Variants in NSMCE2 observed in about 807,000 individuals in gnomAD.
NSMCE2 encodes the protein E3 SUMO-protein ligase NSE2.
In NSMCE2, 24 loss-of-function variants were observed where a neutral mutation model predicts 23.8. That is an observed-to-expected ratio of 1.01 (90% CI 0.73 to 1.42). The LOEUF is 1.42. Ranked by LOEUF, NSMCE2 falls within the 40% of genes most tolerant of loss-of-function variation. The probability of loss-of-function intolerance (pLI) is 0.00; values close to 1 mark genes in which losing one functional copy is unlikely to be tolerated. For missense variants in NSMCE2, 284 were observed against 296.5 expected (o/e 0.96, Z 0.31); for synonymous variants, 92 against 94.1 (o/e 0.98, Z 0.13).
chr8:125,200,569 G>C (rs1360618954), intron 5 of NSMCE2, among the ~76,000 whole-genome samples: 1 of 149,598 alleles, frequency 6.7e-6, no homozygotes, highest in Non-Finnish European at 1.5e-5. Flanking sequence ...GCTTCCCTTT[G>C]TGGGTAACCT....
chr8:125,215,357 C>A (rs1156296595), intron 5 of NSMCE2, among the ~76,000 whole-genome samples: 1 of 151,106 alleles, frequency 6.6e-6, no homozygotes, highest in Non-Finnish European at 1.5e-5. Flanking sequence ...CATGTCCCTA[C>A]AAAGGACATG....
intron 5 of NSMCE2, among the ~76,000 whole-genome samples, chr8:125,196,720 A>G (rs961369970): frequency 1.3e-5 from 2 of 152,206 alleles, no homozygotes; most frequent in South Asian, 4.1e-4. Context: ...TATACCCAGT[A>G]ATGGGATCGC....
At chr8:125,208,952 G>A (rs571882494) in intron 5 of NSMCE2, among the ~76,000 whole-genome samples, 5 of 152,290 alleles carry the variant, frequency 3.3e-5, no homozygotes, top group East Asian at 1.9e-4. Flanking sequence ...CTCCAATGGT[G>A]CCAAGGCTTA....
chr8:125,307,818 C>G lies in NSMCE2; in HGVS notation c.419-49401C>G, dbSNP rs140567305. 3.0e-3 allele frequency among the ~76,000 whole-genome samples: 454 copies of G among 152,322 alleles called. 7 individuals carry two copies. Among genetic ancestry groups the G allele is most frequent in the African/African-American group, 0.01 (434 of 41,560 alleles). On this transcript the variant is annotated intron_variant, in intron 5 of 7. Transcript: ENST00000287437. Reference sequence around the variant, plus strand: ...ATTGCTTAAGAGTTAAAAACGATTACTGTGGTCTCAGAGGACAGACACCAG... The same window carrying G: ...ATTGCTTAAGAGTTAAAAACGATTAGTGTGGTCTCAGAGGACAGACACCAG...
At chr8:125,261,745 TA>T (rs71295825) in intron 5 of NSMCE2, among the ~76,000 whole-genome samples, 114 of 133,610 alleles carry the variant, frequency 8.5e-4, no homozygotes, top group South Asian at 3.7e-3. Flanking sequence ...TGTAAAGAAG[TA>T]AAAAAAAAAA....
At chr8:125,162,737 C>T (rs980363404) in intron 4 of NSMCE2, among the ~76,000 whole-genome samples, 43 of 152,262 alleles carry the variant, frequency 2.8e-4, no homozygotes, top group African/African-American at 9.9e-4. Flanking sequence ...AAACACCTAC[C>T]ACAGGCTGAT....
At chr8:125,192,210 C>T (rs7839274) in intron 5 of NSMCE2, among the ~76,000 whole-genome samples, 15,028 of 151,916 alleles carry the variant, frequency 0.099, 964 homozygotes, top group African/African-American at 0.17. Flanking sequence ...AAATAATTAT[C>T]TTGTTGAGTT....
intron 3 of NSMCE2, among the ~76,000 whole-genome samples, chr8:125,109,439 G>A (rs1055135012): frequency 1.3e-5 from 2 of 152,170 alleles, no homozygotes; most frequent in African/African-American, 2.4e-5. Flanking sequence ...GTGCAGAAGA[G>A]CAAGTGGGGA....
chr8:125,237,431 A>G (rs1279674411), intron 5 of NSMCE2, among the ~76,000 whole-genome samples: 1 of 152,240 alleles, frequency 6.6e-6, no homozygotes, highest in Non-Finnish European at 1.5e-5. Context: ...GCACTGTCAG[A>G]TCAACAACAC....
At chr8:125,262,145 G>A (rs1366192777) in intron 5 of NSMCE2, among the ~76,000 whole-genome samples, 1 of 148,192 alleles carries the variant, frequency 6.7e-6, no homozygotes, top group Non-Finnish European at 1.5e-5. Flanking sequence ...AATTGTATAG[G>A]CCGGGTGCGA....
chr8:125,148,458 T>G (rs1421159696), intron 3 of NSMCE2, among the ~76,000 whole-genome samples: 2 of 152,228 alleles, frequency 1.3e-5, no homozygotes, highest in African/African-American at 4.8e-5. Flanking sequence ...TTAACTCATT[T>G]AATCCCAGAG....
At chr8:125,262,037 C>T (rs1004146119) in intron 5 of NSMCE2, among the ~76,000 whole-genome samples, 1 of 151,924 alleles carries the variant, frequency 6.6e-6, no homozygotes, top group African/African-American at 2.4e-5. Flanking sequence ...GTGGAGGTTG[C>T]AGTGAATTGA....
chr8:125,284,774 G>T (rs1399918557), intron 5 of NSMCE2, among the ~76,000 whole-genome samples: 2 of 152,074 alleles, frequency 1.3e-5, no homozygotes, highest in African/African-American at 4.8e-5. Flanking sequence ...AACAATTTTT[G>T]TTTTGTGAAA....
chr8:125,143,135 T>A (rs1820473741), intron 3 of NSMCE2, among the ~76,000 whole-genome samples: 1 of 151,894 alleles, frequency 6.6e-6, no homozygotes, highest in Admixed American at 6.6e-5. Flanking sequence ...GGTAGGTGCA[T>A]GTATAGATGT....
At chr8:125,151,101 A>G (rs1304236628) in intron 3 of NSMCE2, 70 bp from the exon 4 acceptor site, 3 of 748,980 alleles carry the variant, frequency 4.0e-6, no homozygotes, top group African/African-American at 1.7e-5. Flanking sequence ...TGTAGATTGT[A>G]TTGATGCAAC....
chr8:125,134,406 C>T (rs1027648684), intron 3 of NSMCE2, among the ~76,000 whole-genome samples: 4 of 152,096 alleles, frequency 2.6e-5, no homozygotes, highest in African/African-American at 7.2e-5. Flanking sequence ...ACTCTATAGT[C>T]GCTCCCCATC....
intron 4 of NSMCE2, among the ~76,000 whole-genome samples, chr8:125,175,061 T>C (rs1324086100): frequency 6.6e-6 from 1 of 152,174 alleles, no homozygotes; most frequent in East Asian, 1.9e-4. Context: ...TGCAGTTAGG[T>C]TATACCCAGT....
intron 7 of NSMCE2, among the ~76,000 whole-genome samples, chr8:125,362,353 G>C (rs1813597588): frequency 6.6e-6 from 1 of 152,190 alleles, no homozygotes; most frequent in South Asian, 2.1e-4. Context: ...CCCAGTTCCA[G>C]CATCAACCTC....
intron 4 of NSMCE2, among the ~76,000 whole-genome samples, chr8:125,164,768 TC>T (rs1289984870): frequency 3.9e-5 from 6 of 152,196 alleles, no homozygotes; most frequent in Admixed American, 3.9e-4. Flanking sequence ...TAAACTTTTT[TC>T]TAGTTTTAAT....
Sources: gnomAD v4.1 joint callset for allele counts (sites outside exome capture counted in the v4.1 genomes callset) on GRCh38, gnomAD v4.1.1 for gene constraint, MANE v1.5 for transcripts, NCBI Gene and HGNC (gene_info 2026-07-23, HGNC 2026-07-21) for gene names.